Variants in BTBD16 observed in about 807,000 individuals in gnomAD.
BTBD16 encodes the protein BTB domain containing 16, also known as BTB/POZ domain-containing protein 16.
BTBD16 carries 66 observed loss-of-function variants against 67.4 expected under a neutral mutation model. The observed-to-expected ratio is 0.98, with a 90% CI of 0.80 to 1.20. The LOEUF (loss-of-function observed/expected upper bound fraction) is 1.20. Among genes scored for constraint, BTBD16 ranks in the 50% most tolerant of loss-of-function variants. The pLI is 0.00. For missense variants in BTBD16, 634 were observed against 616.0 expected, an observed-to-expected ratio of 1.03 and a Z score of -0.31; for synonymous variants, 242 against 236.4, an observed-to-expected ratio of 1.02 and a Z score of -0.22.
At chr10:122,298,009 C>T (rs1186913071) in intron 8 of BTBD16, among the ~76,000 whole-genome samples, 172 bp downstream of exon 8, 2 of 151,866 alleles carry the variant, frequency 1.3e-5, no homozygotes, top group East Asian at 3.9e-4. Flanking sequence ...TTTAAACCAT[C>T]ATTTTATTTT....
chr10:122,289,126 A>G (rs548353455), intron 5 of BTBD16, among the ~76,000 whole-genome samples: 1 of 152,276 alleles, frequency 6.6e-6, no homozygotes, highest in African/African-American at 2.4e-5. Context: ...AATAGCCACC[A>G]CAGGGACACC....
intron 3 of BTBD16, 32 bp from the exon 4 acceptor site, chr10:122,283,819 T>G (rs1213950507): frequency 6.3e-7 from 1 of 1,575,634 alleles, no homozygotes; most frequent in East Asian, 2.2e-5. Flanking sequence ...CAGTATTAAC[T>G]CCTGGATTTT....
At position 122,327,572 on chromosome 10, in the gene BTBD16, G is replaced by A. The variant is rs1309440941; in HGVS notation, c.912-1908G>A. 2.5e-5 allele frequency: 25 copies of A among 985,116 alleles called. No individual in the cohort carries two copies. In the East Asian group the frequency reaches 9.1e-4, roughly 36 times the overall value. The allele number at this position is 985,116 out of a possible 1,614,324, so 61.0% of individuals were successfully genotyped here. A position where few individuals can be genotyped will look rare whatever the true frequency, so the allele number is the denominator to read the frequency against. The stretch of plus-strand genomic sequence containing the variant: ...GACGGGACCCTGGTCTGCCTGCCTC[G>A]GGGGTCCCAGCTTGGTTGGATGATG... On this transcript the variant is annotated intron_variant, in intron 10 of 15. Transcript: ENST00000260723.
intron 7 of BTBD16, 199 bp downstream of exon 7, chr10:122,291,393 G>A (rs2096373843): frequency 3.4e-6 from 2 of 591,722 alleles, no homozygotes; most frequent in Non-Finnish European, 2.7e-6. Context: ...CCAGCAACAC[G>A]CTAGTTTTAA....
intron 7 of BTBD16, among the ~76,000 whole-genome samples, chr10:122,296,110 T>G (rs1590063842): frequency 6.6e-6 from 1 of 152,068 alleles, no homozygotes; most frequent in African/African-American, 2.4e-5. Context: ...TGATATTCGA[T>G]GCAAACTAGA....
chr10:122,302,211 A>G (rs557209794), intron 9 of BTBD16, among the ~76,000 whole-genome samples: 4 of 152,198 alleles, frequency 2.6e-5, no homozygotes, highest in African/African-American at 7.2e-5. Flanking sequence ...TTTGCTTTCC[A>G]TTTTGTAAAC....
chr10:122,319,053 C>A (rs531681748), intron 10 of BTBD16, among the ~76,000 whole-genome samples: 2 of 152,092 alleles, frequency 1.3e-5, no homozygotes, highest in African/African-American at 4.8e-5. Flanking sequence ...CTGTTCAAAC[C>A]TTTGGCCCAT....
intron 9 of BTBD16, among the ~76,000 whole-genome samples, chr10:122,299,927 AG>A (rs1424173496): frequency 6.6e-6 from 1 of 152,182 alleles, no homozygotes; most frequent in African/African-American, 2.4e-5. Context: ...GCATAAGTGC[AG>A]CCACGGGGCC....
chr10:122,273,172 CTA>C (rs1455234491), intron 1 of BTBD16, among the ~76,000 whole-genome samples: 1 of 146,588 alleles, frequency 6.8e-6, no homozygotes, highest in Non-Finnish European at 1.5e-5. Context: ...TCTGACATAA[CTA>C]TACCACTTGG....
intron 7 of BTBD16, 39 bp downstream of exon 7, chr10:122,291,233 G>A (rs1223655056): frequency 5.7e-6 from 9 of 1,586,024 alleles, no homozygotes; most frequent in Non-Finnish European, 7.7e-6. Flanking sequence ...GGCCGGGCCT[G>A]GGGGAAATCG....
At chr10:122,278,539 A>G (rs1045825533) in intron 3 of BTBD16, among the ~76,000 whole-genome samples, 17 of 152,184 alleles carry the variant, frequency 1.1e-4, no homozygotes, top group Non-Finnish European at 2.9e-5. Flanking sequence ...CCTGGGCAGC[A>G]TTTTAGTAAT....
intron 7 of BTBD16, among the ~76,000 whole-genome samples, chr10:122,294,744 C>T (rs1160351417): frequency 6.6e-6 from 1 of 152,206 alleles, no homozygotes; most frequent in Admixed American, 6.5e-5. Flanking sequence ...GAGGCGAGCC[C>T]GGATGGCTTT....
rs570157039 is a variant in BTBD16, at chr10:122,307,985, C to T, written c.911+677C>T. Among the ~76,000 whole-genome samples, 347 of 152,304 alleles carry T rather than the reference C, an allele frequency of 2.3e-3. 1 individual carries two copies. The highest frequency in any genetic ancestry group is 3.5e-3 in the Non-Finnish European group (235 of 68,040). ...ATTTGAGGAAAGCAGCATTCAGTGTCGGAATTATATGTACTGTGTTTAGTT... is the reference window on the plus strand; with the variant it reads ...ATTTGAGGAAAGCAGCATTCAGTGTTGGAATTATATGTACTGTGTTTAGTT... On this transcript the variant is annotated intron_variant, in intron 10 of 15. Transcript: ENST00000260723.
At chr10:122,297,663 C>A in intron 7 of BTBD16, 105 bp from the exon 8 acceptor site, 2 of 1,299,818 alleles carry the variant, frequency 1.5e-6, no homozygotes, top group South Asian at 2.5e-5. Flanking sequence ...CCCTTCCGTT[C>A]AAAAGTCTGC....
intron 1 of BTBD16, among the ~76,000 whole-genome samples, chr10:122,274,727 T>G (rs761035636): frequency 3.3e-5 from 5 of 152,212 alleles, no homozygotes; most frequent in African/African-American, 4.8e-5. Flanking sequence ...AATTATGTGA[T>G]CAGCCTACTT....
At chr10:122,320,474 CA>C (rs1168477567) in intron 10 of BTBD16, among the ~76,000 whole-genome samples, 2 of 151,966 alleles carry the variant, frequency 1.3e-5, no homozygotes, top group East Asian at 3.9e-4. Flanking sequence ...AAATTTAAGT[CA>C]TTGGTTTAAG....
chr10:122,336,523 C>T lies in BTBD16; in HGVS notation c.1293C>T (p.Pro431=), dbSNP rs977897135. The part of the protein sequence containing the change: ...QRIKHTDLES[P]SAVYEHNHVS... Reference sequence around the variant, plus strand: ...TAAAGCACACAGACCTGGAATCTCCCTCTGCGGTCTACGAGCACAACCACG... The same window carrying T: ...TAAAGCACACAGACCTGGAATCTCCTTCTGCGGTCTACGAGCACAACCACG... The change falls in exon 15 of 16, where the codon CCC becomes CCT. Residue 431 remains proline (P), a synonymous_variant. Transcript: ENST00000260723. 1 of 1,611,004 alleles carries T rather than the reference C, an allele frequency of 6.2e-7. No individual in the cohort carries two copies. The highest frequency in any genetic ancestry group is 8.5e-7 in the Non-Finnish European group (1 of 1,178,540).
chr10:122,298,793 T>C (rs2096388315), intron 8 of BTBD16, among the ~76,000 whole-genome samples: 1 of 152,192 alleles, frequency 6.6e-6, no homozygotes, highest in Non-Finnish European at 1.5e-5. Context: ...AGGTTTTCGC[T>C]GAGGATTGAT....
chr10:122,328,638 C>A, intron 10 of BTBD16: 1 of 425,530 alleles, frequency 2.4e-6, no homozygotes, highest in Non-Finnish European at 3.1e-6. Flanking sequence ...TCTACAAGTA[C>A]CCTGGGTGGG....
Sources: gnomAD v4.1 joint callset for allele counts (sites outside exome capture counted in the v4.1 genomes callset) on GRCh38, gnomAD v4.1.1 for gene constraint, MANE v1.5 for transcripts, NCBI Gene and HGNC (gene_info 2026-07-23, HGNC 2026-07-21) for gene names.